Variants in MARCHF1 observed in about 807,000 individuals in gnomAD.
MARCHF1 encodes the protein membrane associated ring-CH-type finger 1, also known as E3 ubiquitin-protein ligase MARCHF1.
MARCHF1 carries 40 observed loss-of-function variants against 54.2 expected under a neutral mutation model. That is an observed-to-expected ratio of 0.74 (90% CI 0.57 to 0.96). MARCHF1 has a LOEUF of 0.96. Among genes scored for constraint, MARCHF1 ranks in the 40% least tolerant of loss-of-function variants. The pLI, the probability that MARCHF1 is intolerant of heterozygous loss-of-function variation, is 0.00. For missense variants in MARCHF1, 586 were observed against 656.5 expected (o/e 0.89, Z 1.17); for synonymous variants, 236 against 236.3 (o/e 1.00, Z 0.01).
intron 4 of MARCHF1, among the ~76,000 whole-genome samples, chr4:163,744,915 T>A (rs1223236623): frequency 6.6e-6 from 1 of 152,090 alleles, no homozygotes; most frequent in African/African-American, 2.4e-5. Flanking sequence ...CTTAAGTCCA[T>A]ATACATTTTT....
At chr4:164,006,187 G>T (rs1753283019) in intron 2 of MARCHF1, among the ~76,000 whole-genome samples, 1 of 152,088 alleles carries the variant, frequency 6.6e-6, no homozygotes, top group Non-Finnish European at 1.5e-5. Flanking sequence ...CAAAATAGCA[G>T]ATTTAAGAAG....
intron 3 of MARCHF1, among the ~76,000 whole-genome samples, chr4:163,986,409 T>A (rs1004208738): frequency 4.6e-5 from 7 of 151,518 alleles, no homozygotes; most frequent in Non-Finnish European, 1.0e-4. Context: ...GGACCACAGG[T>A]GCCCACCACC....
intron 2 of MARCHF1, among the ~76,000 whole-genome samples, chr4:164,080,899 A>C (rs1417382108): frequency 6.6e-6 from 1 of 152,014 alleles, no homozygotes; most frequent in Non-Finnish European, 1.5e-5. Context: ...AAACTAGATA[A>C]ATATCTTGAG....
intron 4 of MARCHF1, among the ~76,000 whole-genome samples, chr4:163,802,594 G>A (rs768125527): frequency 4.6e-5 from 7 of 152,112 alleles, no homozygotes; most frequent in Non-Finnish European, 1.0e-4. Flanking sequence ...TTCTGTATCC[G>A]AGAGAAAATA....
chr4:163,797,314 T>C (rs1747944594), intron 4 of MARCHF1, among the ~76,000 whole-genome samples: 1 of 149,188 alleles, frequency 6.7e-6, no homozygotes, highest in African/African-American at 2.5e-5. Context: ...TTATGTACTC[T>C]CAGTGTGATA....
At chr4:163,733,961 AGAG>A (rs1366503188) in intron 4 of MARCHF1, among the ~76,000 whole-genome samples, 13 of 152,190 alleles carry the variant, frequency 8.5e-5, no homozygotes, top group Admixed American at 6.5e-5. Context: ...CTCAATAATA[AGAG>A]AATAAACAAC....
chr4:163,534,862 A>G (rs1023824125), intron 9 of MARCHF1, among the ~76,000 whole-genome samples: 2 of 152,078 alleles, frequency 1.3e-5, no homozygotes, highest in East Asian at 3.8e-4. Context: ...CACTGTTGTT[A>G]TCTAGTGGTA....
chr4:164,266,187 T>C (rs947960055), intron 1 of MARCHF1, among the ~76,000 whole-genome samples: 1 of 152,192 alleles, frequency 6.6e-6, no homozygotes, highest in Non-Finnish European at 1.5e-5. Context: ...GTAGGTAATT[T>C]ACAAGGGATA....
At chr4:163,911,988 T>C (rs1189912594) in intron 3 of MARCHF1, among the ~76,000 whole-genome samples, 1 of 152,134 alleles carries the variant, frequency 6.6e-6, no homozygotes, top group African/African-American at 2.4e-5. Context: ...TCAAGAGAGA[T>C]ATTTCTTCTC....
At chr4:163,934,187 T>C (rs1751742670) in intron 3 of MARCHF1, among the ~76,000 whole-genome samples, 1 of 152,120 alleles carries the variant, frequency 6.6e-6, no homozygotes, top group Non-Finnish European at 1.5e-5. Context: ...TCATTGACTA[T>C]AGTCCCAAAA....
rs775696803 is a variant in MARCHF1, at chr4:163,895,825, A to T, written c.-38-41656T>A. On this transcript the variant is annotated intron_variant, in intron 3 of 9. Coordinates refer to ENST00000514618, the MANE Select transcript of MARCHF1 (RefSeq NM_001394959.1). ...GCTGTCACTATGACATGGGTAATGCACAAACAGAGTCCCTAAGCCTCCTCA... is the reference window on the plus strand; with the variant it reads ...GCTGTCACTATGACATGGGTAATGCTCAAACAGAGTCCCTAAGCCTCCTCA... 7.9e-5 allele frequency among the ~76,000 whole-genome samples: 12 copies of T among 152,228 alleles called. 1 individual carries two copies. Among genetic ancestry groups the T allele is most frequent in the Middle Eastern group, 6.8e-3 (2 of 294 alleles).
chr4:163,675,900 C>T (rs545796685), intron 5 of MARCHF1, among the ~76,000 whole-genome samples: 1 of 152,108 alleles, frequency 6.6e-6, no homozygotes, highest in South Asian at 2.1e-4. Context: ...CTAGAGAAGT[C>T]TTGTCAATTC....
At position 163,882,662 on chromosome 4, in the gene MARCHF1, C is replaced by T. The variant is rs141447077; in HGVS notation, c.-38-28493G>A. Among the ~76,000 whole-genome samples, 48 of 152,076 alleles carry T rather than the reference C, an allele frequency of 3.2e-4. No homozygotes were observed. In the East Asian group the frequency reaches 7.0e-3, roughly 22 times the overall value. ...CACTTTAAAATTTTAATGTTGACACCACATTAAAATTTTAACAAATTATTA... is the reference window on the plus strand; with the variant it reads ...CACTTTAAAATTTTAATGTTGACACTACATTAAAATTTTAACAAATTATTA... On this transcript the variant is annotated intron_variant, in intron 3 of 9. Coordinates refer to ENST00000514618, the MANE Select transcript of MARCHF1 (RefSeq NM_001394959.1).
At chr4:163,846,136 C>G (rs1418223140) in intron 4 of MARCHF1, among the ~76,000 whole-genome samples, 2 of 152,096 alleles carry the variant, frequency 1.3e-5, no homozygotes, top group Admixed American at 1.3e-4. Context: ...GAAACAATAA[C>G]TGATACATGA....
Position 163,632,948 on chromosome 4 carries a change from T to C in MARCHF1, c.163-19555A>G, listed in dbSNP as rs527693831. On this transcript the variant is annotated intron_variant, in intron 5 of 9. Coordinates refer to ENST00000514618, the MANE Select transcript of MARCHF1 (RefSeq NM_001394959.1). The stretch of plus-strand genomic sequence containing the variant: ...AAGTGGGTACCTGACCCCTGACCCC[T>C]GAGCAGCCTAACTAGGAGGCGCCCC... Among the ~76,000 whole-genome samples, 497 of 151,944 alleles carry C rather than the reference T, an allele frequency of 3.3e-3. 3 individuals carry two copies. The highest frequency in any genetic ancestry group is 0.012 in the African/African-American group (487 of 41,374).
At chr4:163,961,012 G>T (rs1752336732) in intron 3 of MARCHF1, among the ~76,000 whole-genome samples, 2 of 151,786 alleles carry the variant, frequency 1.3e-5, no homozygotes, top group Non-Finnish European at 2.9e-5. Context: ...GTTCCCTGAT[G>T]TCTGTCTCTC....
At chr4:163,706,969 A>G (rs1744966592) in intron 4 of MARCHF1, among the ~76,000 whole-genome samples, 1 of 152,056 alleles carries the variant, frequency 6.6e-6, no homozygotes, top group South Asian at 2.1e-4. Flanking sequence ...TAAGAATCTC[A>G]CATATAAAAA....
intron 3 of MARCHF1, among the ~76,000 whole-genome samples, chr4:163,948,004 C>G (rs1752057071): frequency 3.3e-5 from 5 of 152,168 alleles, no homozygotes; most frequent in Admixed American, 3.3e-4. Flanking sequence ...GATTTCTCTA[C>G]TTTTAATCAT....
At chr4:163,625,584 GCATCA>G (rs1741841970) in intron 5 of MARCHF1, among the ~76,000 whole-genome samples, 1 of 152,190 alleles carries the variant, frequency 6.6e-6, no homozygotes, top group Non-Finnish European at 1.5e-5. Flanking sequence ...GATGACAATC[GCATCA>G]CAGCGAACAA....
Sources: allele counts gnomAD v4.1 joint callset (sites outside exome capture counted in the v4.1 genomes callset), GRCh38; gene constraint gnomAD v4.1.1; transcripts MANE v1.5; gene names NCBI Gene and HGNC (gene_info 2026-07-23, HGNC 2026-07-21).